Variants in NR2C2 observed in about 807,000 individuals in gnomAD.
The protein encoded by NR2C2 is Nuclear hormone receptor TR4.
A neutral mutation model predicts 62.9 loss-of-function variants in NR2C2; 6 were observed. The observed-to-expected ratio is 0.10, with a 90% CI of 0.05 to 0.19. The LOEUF (loss-of-function observed/expected upper bound fraction) is 0.19. NR2C2 is among the 10% of genes least tolerant of loss of function. The probability of loss-of-function intolerance (pLI) is 1.00; values close to 1 mark genes in which losing one functional copy is unlikely to be tolerated. For synonymous variants in NR2C2, 272 were observed against 273.8 expected, an observed-to-expected ratio of 0.99 and a Z score of 0.07; for missense variants, 479 against 762.7, an observed-to-expected ratio of 0.63 and a Z score of 4.38.
chr3:15,001,711 G>A (rs2041008910), intron 1 of NR2C2, among the ~76,000 whole-genome samples: 1 of 152,072 alleles, frequency 6.6e-6, no homozygotes, highest in East Asian at 1.9e-4. Flanking sequence ...AGAACAACTG[G>A]GCTCAAGCAA....
chr3:14,979,671 G>T (rs2040308520), intron 1 of NR2C2, among the ~76,000 whole-genome samples: 1 of 152,038 alleles, frequency 6.6e-6, no homozygotes, highest in South Asian at 2.1e-4. Flanking sequence ...CTCCAGACAG[G>T]GAAGAAGTGG....
intron 10 of NR2C2, chr3:15,034,405 T>G: frequency 5.6e-6 from 2 of 356,810 alleles, no homozygotes; most frequent in Non-Finnish European, 1.0e-5. Context: ...TAATGATGGT[T>G]TGGCCATACC....
rs778074009 is a variant in NR2C2, at chr3:15,034,654, C to T, written c.1233-16C>T. ...GCCAACACACACCACACTCAGACTC[C>T]TTTCTATATTCCTAGGCAGGACTGC... On this transcript the variant is annotated splice_polypyrimidine_tract_variant and intron_variant, in intron 10 of 13. Transcript: ENST00000425241. 13 of 1,612,848 alleles carry T rather than the reference C, an allele frequency of 8.1e-6. No homozygotes were observed. In the South Asian group the frequency reaches 1.3e-4, roughly 16 times the overall value.
At chr3:14,995,840 T>C (rs1244389923) in intron 1 of NR2C2, among the ~76,000 whole-genome samples, 1 of 152,208 alleles carries the variant, frequency 6.6e-6, no homozygotes, top group African/African-American at 2.4e-5. Flanking sequence ...TTGCTAACAT[T>C]TGTTATCCTG....
At position 15,046,733 on chromosome 3, in the gene NR2C2, T is replaced by TA. The variant is rs1022407806; in HGVS notation, c.*3725_*3726insA. 1 of 152,650 alleles carries TA rather than the reference T, an allele frequency of 6.6e-6. No individual in the cohort carries two copies. Among genetic ancestry groups the TA allele is most frequent in the Non-Finnish European group, 1.5e-5 (1 of 68,062 alleles). 9.5% of individuals were successfully genotyped at this position (152,650 alleles called of 1,614,324 possible). On this transcript the variant is annotated 3_prime_UTR_variant, in exon 14 of 14. Coordinates refer to ENST00000425241, the MANE Select transcript of NR2C2 (RefSeq NM_001291694.2). The stretch of plus-strand genomic sequence containing the variant: ...GTCCAGGTCATAGGAAGTCTCATCA[T>TA]CTGACAGCCACTTTTCTCCCAGGGA...
intron 2 of NR2C2, among the ~76,000 whole-genome samples, chr3:15,004,941 C>T (rs1344748074): frequency 6.6e-6 from 1 of 152,052 alleles, no homozygotes; most frequent in East Asian, 1.9e-4. Context: ...ATTTTTGAGA[C>T]AGAGTCTTGC....
intron 2 of NR2C2, among the ~76,000 whole-genome samples, chr3:15,012,986 G>C (rs2041397244): frequency 6.6e-6 from 1 of 152,154 alleles, no homozygotes; most frequent in African/African-American, 2.4e-5. Flanking sequence ...GTCTCTCTAT[G>C]TGGCAGGCCT....
In NR2C2 at chr3:15,024,100, T is replaced by C. The variant is rs1276639421; in HGVS notation, c.705-15T>C. 1 of 1,587,464 alleles carries C rather than the reference T, an allele frequency of 6.3e-7. No individual in the cohort carries two copies. The highest frequency in any genetic ancestry group is 1.1e-5 in the South Asian group (1 of 89,840). On this transcript the variant is annotated splice_polypyrimidine_tract_variant and intron_variant, in intron 6 of 13. Coordinates refer to ENST00000425241, the MANE Select transcript of NR2C2 (RefSeq NM_001291694.2). Reference sequence around the variant, plus strand: ...ATGTTGGAAGCTACTCTGAGTTTCTTTATGTCTTAAATAGACAAACAGGTC... The same window carrying C: ...ATGTTGGAAGCTACTCTGAGTTTCTCTATGTCTTAAATAGACAAACAGGTC...
chr3:14,977,942 C>A (rs1301688244), intron 1 of NR2C2, among the ~76,000 whole-genome samples: 2 of 139,496 alleles, frequency 1.4e-5, no homozygotes, highest in African/African-American at 5.3e-5. Context: ...GAGTGAGACT[C>A]TGCCTCAAAA....
intron 1 of NR2C2, among the ~76,000 whole-genome samples, chr3:15,003,324 C>A (rs1574989168): frequency 1.3e-5 from 2 of 152,124 alleles, no homozygotes; most frequent in Admixed American, 6.6e-5. Context: ...CACCTTGTAC[C>A]TTGCCTTTGG....
At chr3:15,017,593 T>C (rs1317927359) in intron 4 of NR2C2, among the ~76,000 whole-genome samples, 1 of 152,218 alleles carries the variant, frequency 6.6e-6, no homozygotes, top group African/African-American at 2.4e-5. Flanking sequence ...AGTCTTCTTC[T>C]GAGCTTAAAG....
intron 9 of NR2C2, among the ~76,000 whole-genome samples, chr3:15,031,849 C>T (rs2041989209): frequency 6.6e-6 from 1 of 152,108 alleles, no homozygotes; most frequent in Non-Finnish European, 1.5e-5. Flanking sequence ...CTGCCTCAGC[C>T]TCCGAAGTAG....
At chr3:14,976,602 C>CTTTTTTTTTTTTTTTTTTTTTT (rs533538010) in intron 1 of NR2C2, among the ~76,000 whole-genome samples, 1 of 90,740 alleles carries the variant, frequency 1.1e-5, no homozygotes, top group African/African-American at 5.1e-5. Context: ...TCCTTCCTTC[C>CTTTTTTTTTTTTTTTTTTTTTT]TTTTTTTTTT....
Position 15,039,136 on chromosome 3 carries a change from A to C in NR2C2, c.1525A>C (p.Thr509Pro). Reference protein sequence around the residue: ...VLFSPDHPGLTSTSQIEKFQE... With the variant: ...VLFSPDHPGLPSTSQIEKFQE... ...TCTGTTTTCAGATCATCCAGGTTTG[A>C]CCAGCACAAGCCAGATTGAAAAATT... Residue 509 changes from threonine to proline, a missense_variant, in exon 13 of 14, where the codon ACC becomes CCC. Thr to Pro is a conservative substitution (Grantham distance 38). Transcript: ENST00000425241. 3 of 1,613,662 alleles carry C rather than the reference A, an allele frequency of 1.9e-6. No homozygotes were observed. The highest frequency in any genetic ancestry group is 2.5e-6 in the Non-Finnish European group (3 of 1,179,738).
At chr3:15,029,820 G>T (rs900187037) in intron 8 of NR2C2, among the ~76,000 whole-genome samples, 1 of 125,718 alleles carries the variant, frequency 8.0e-6, no homozygotes, top group African/African-American at 3.5e-5. Flanking sequence ...TAGATAGATA[G>T]ATAGATAGAT....
chr3:15,038,555 C>T (rs1559311154), intron 12 of NR2C2: 1 of 166,472 alleles, frequency 6.0e-6, no homozygotes, highest in Non-Finnish European at 1.3e-5. Context: ...CACTGCAGAG[C>T]ATGCTAAAAG....
At chr3:14,987,439 G>A (rs2040542546) in intron 1 of NR2C2, among the ~76,000 whole-genome samples, 1 of 152,122 alleles carries the variant, frequency 6.6e-6, no homozygotes, top group Non-Finnish European at 1.5e-5. Flanking sequence ...TTTCAGATGT[G>A]GGGTAGAAAA....
chr3:14,965,230 C>A (rs1374151504), intron 1 of NR2C2, among the ~76,000 whole-genome samples: 1 of 152,148 alleles, frequency 6.6e-6, no homozygotes, highest in Non-Finnish European at 1.5e-5. Context: ...GGAATAATTA[C>A]CTTGAAAATA....
In NR2C2 at chr3:15,030,733, C is replaced by T. The variant is rs1166021019; in HGVS notation, c.1110+281C>T. ...GTCTCACCTACTCAGGAGGCTGAGG[C>T]ATGAGAATCACTTGAACCTGGGAGG... On this transcript the variant is annotated intron_variant, in intron 9 of 13. Transcript: ENST00000425241. Among the ~76,000 whole-genome samples, 3 of 152,138 alleles carry T rather than the reference C, an allele frequency of 2.0e-5. No homozygotes were observed. The East Asian group carries it at 5.8e-4, about 29-fold the overall frequency.
Sources: allele counts gnomAD v4.1 joint callset (sites outside exome capture counted in the v4.1 genomes callset), GRCh38; gene constraint gnomAD v4.1.1; transcripts MANE v1.5; gene names NCBI Gene and HGNC (gene_info 2026-07-23, HGNC 2026-07-21).